The following NPHP4 variants were observed in gnomAD, a reference collection of about 807,000 sequenced individuals.
NPHP4 encodes nephrocystin-4.
A neutral mutation model predicts 155.8 loss-of-function variants in NPHP4; 151 were observed. The ratio of observed to expected loss-of-function variants is 0.97; its 90% CI spans 0.85 to 1.11. NPHP4 has a LOEUF of 1.11. Among genes scored for constraint, NPHP4 ranks in the 50% least tolerant of loss-of-function variants. NPHP4 has a pLI of 0.00. For missense variants in NPHP4, 1,956 were observed against 1,925.7 expected (o/e 1.02, Z -0.29); for synonymous variants, 845 against 816.8 (o/e 1.03, Z -0.59).
At chr1:5,973,264 G>A (rs1424742506) in intron 3 of NPHP4, among the ~76,000 whole-genome samples, 1 of 152,242 alleles carries the variant, frequency 6.6e-6, no homozygotes, top group Non-Finnish European at 1.5e-5. Flanking sequence ...TGGGATCAGT[G>A]ATGGAGTAGG....
At chr1:5,968,773 T>C (rs1472200712) in intron 4 of NPHP4, among the ~76,000 whole-genome samples, 1 of 151,954 alleles carries the variant, frequency 6.6e-6, no homozygotes, top group African/African-American at 2.4e-5. Flanking sequence ...CCATCTCTAC[T>C]AAAAATACAA....
rs1644059332 is a variant in NPHP4, at chr1:5,890,400, G to A, written c.2304+468C>T. ...TTAGGTTTTAGTATACAAGGAGAATGGAAAAGGACAATTAGTAAAAGAGAT... is the reference window on the plus strand; with the variant it reads ...TTAGGTTTTAGTATACAAGGAGAATAGAAAAGGACAATTAGTAAAAGAGAT... On this transcript the variant is annotated intron_variant, in intron 17 of 29. Coordinates refer to ENST00000378156, the MANE Select transcript of NPHP4 (RefSeq NM_015102.5). The surrounding 1 kb of genome is among the most constrained non-coding windows in gnomAD (Gnocchi z 4.9). Among the ~76,000 whole-genome samples, 1 of 152,094 alleles carries A rather than the reference G, an allele frequency of 6.6e-6. No individual in the cohort carries two copies.
chr1:5,961,042 A>G (rs1347300783), intron 6 of NPHP4, among the ~76,000 whole-genome samples: 2 of 152,224 alleles, frequency 1.3e-5, no homozygotes, highest in Non-Finnish European at 2.9e-5. Flanking sequence ...GACACACACT[A>G]TAACATGGAT....
chr1:5,889,766 T>C lies in NPHP4; in HGVS notation c.2304+1102A>G, dbSNP rs1037738527. 2.0e-5 allele frequency among the ~76,000 whole-genome samples: 3 copies of C among 152,166 alleles called. No homozygotes were observed. The highest frequency in any genetic ancestry group is 6.5e-5 in the Admixed American group (1 of 15,288). ...GGGCCACGATGACCCTGTGGGGCCCTTGCCATGACCCCAACAGGAACAGAG... is the reference window on the plus strand; with the variant it reads ...GGGCCACGATGACCCTGTGGGGCCCCTGCCATGACCCCAACAGGAACAGAG... On this transcript the variant is annotated intron_variant, in intron 17 of 29. Coordinates refer to ENST00000378156, the MANE Select transcript of NPHP4 (RefSeq NM_015102.5). This position sits in a 1 kb window ranked among gnomAD's most constrained non-coding sequence, Gnocchi z 4.2.
chr1:5,923,081 G>C (rs1175249626), intron 11 of NPHP4, among the ~76,000 whole-genome samples: 1 of 152,194 alleles, frequency 6.6e-6, no homozygotes, highest in Non-Finnish European at 1.5e-5. Context: ...ACCAGGCGGA[G>C]AGCATGAGCC....
chr1:5,986,649 C>G (rs1423966964), intron 1 of NPHP4, among the ~76,000 whole-genome samples: 1 of 152,146 alleles, frequency 6.6e-6, no homozygotes, highest in Non-Finnish European at 1.5e-5. Flanking sequence ...GGATGATTCA[C>G]TTTTCCTGTG....
intron 6 of NPHP4, among the ~76,000 whole-genome samples, chr1:5,956,942 G>A (rs1354870869): frequency 6.6e-6 from 1 of 152,216 alleles, no homozygotes; most frequent in Admixed American, 6.5e-5. Flanking sequence ...TAGACGTGGA[G>A]CAGACAACCG....
rs116980841 is a variant in NPHP4, at chr1:5,892,755, G to A, written c.2144-1727C>T. Reference sequence around the variant, plus strand: ...CTCCGTGGCCACCCCTGAGGTCCAAGCTCCCCACAGTCCACCCTGTGTCAT... The same window carrying A: ...CTCCGTGGCCACCCCTGAGGTCCAAACTCCCCACAGTCCACCCTGTGTCAT... On this transcript the variant is annotated intron_variant, in intron 16 of 29. Coordinates refer to ENST00000378156, the MANE Select transcript of NPHP4 (RefSeq NM_015102.5). This position sits in a 1 kb window ranked among gnomAD's most constrained non-coding sequence, Gnocchi z 4.5. Among the ~76,000 whole-genome samples the A allele has an allele frequency of 1.8e-4, 28 of 152,198 alleles. No homozygotes were observed. The East Asian group carries it at 3.5e-3, about 19-fold the overall frequency.
rs1185686252 is a variant in NPHP4, at chr1:5,880,058, C to CCT, written c.2611+54_2611+55dup. On this transcript the variant is annotated intron_variant, in intron 19 of 29. Coordinates refer to ENST00000378156, the MANE Select transcript of NPHP4 (RefSeq NM_015102.5). ...ACACACACACACACGCAGTCTTCCA[C>CCT]CTCTCACCCACCACTCACGACCCAC... 36 of 1,603,968 alleles carry CCT rather than the reference C, an allele frequency of 2.2e-5. No individual in the cohort carries two copies. In the Admixed American group the frequency reaches 6.0e-4, roughly 27 times the overall value.
Position 5,899,311 on chromosome 1 carries a change from G to A in NPHP4, c.2143+5306C>T, listed in dbSNP as rs141463429. Among the ~76,000 whole-genome samples, 8 of 152,252 alleles carry A rather than the reference G, an allele frequency of 5.3e-5. No individual in the cohort carries two copies. The East Asian group carries it at 1.5e-3, about 29-fold the overall frequency. On this transcript the variant is annotated intron_variant, in intron 16 of 29. Transcript: ENST00000378156. The stretch of plus-strand genomic sequence containing the variant: ...AGCATCACAGAATCACCCGACACTG[G>A]GCTTCTCTACAGCCAGGAAAACAGA...
chr1:5,903,391 A>G (rs1222249657), intron 16 of NPHP4, among the ~76,000 whole-genome samples: 1 of 152,140 alleles, frequency 6.6e-6, no homozygotes, highest in African/African-American at 2.4e-5. Flanking sequence ...TGCCACTGTT[A>G]GGCTACTTCA....
In NPHP4 at chr1:5,892,605, G is replaced by A. The variant is rs1256322440; in HGVS notation, c.2144-1577C>T. ...ATGGGGGCCGGTCCAGCGGGGCACTGGAAGGAGCTCCCCAGGAGACAAGAC... is the reference window on the plus strand; with the variant it reads ...ATGGGGGCCGGTCCAGCGGGGCACTAGAAGGAGCTCCCCAGGAGACAAGAC... On this transcript the variant is annotated intron_variant, in intron 16 of 29. Coordinates refer to ENST00000378156, the MANE Select transcript of NPHP4 (RefSeq NM_015102.5). This position sits in a 1 kb window ranked among gnomAD's most constrained non-coding sequence, Gnocchi z 4.5. 6.6e-6 allele frequency among the ~76,000 whole-genome samples: 1 copy of A among 152,050 alleles called. No homozygotes were observed. The highest frequency in any genetic ancestry group is 1.5e-5 in the Non-Finnish European group (1 of 67,972).
intron 3 of NPHP4, among the ~76,000 whole-genome samples, chr1:5,972,462 C>T (rs1354307581): frequency 6.6e-6 from 1 of 152,204 alleles, no homozygotes; most frequent in Non-Finnish European, 1.5e-5. Flanking sequence ...GAGAAACTCT[C>T]ATTTGGAGTA....
chr1:5,898,569 T>A (rs115376788), intron 16 of NPHP4, among the ~76,000 whole-genome samples: 1,624 of 152,274 alleles, frequency 0.011, 20 homozygotes, highest in African/African-American at 0.036. Context: ...GCTCTCTGAG[T>A]GGATCTTCCT....
chr1:5,896,057 C>T (rs1644382359), intron 16 of NPHP4, among the ~76,000 whole-genome samples: 1 of 152,178 alleles, frequency 6.6e-6, no homozygotes, highest in African/African-American at 2.4e-5. Flanking sequence ...TGGTATGTTA[C>T]CACTGAATTA....
chr1:5,945,973 G>A (rs972488815), intron 9 of NPHP4, among the ~76,000 whole-genome samples: 15 of 152,172 alleles, frequency 9.9e-5, no homozygotes, highest in African/African-American at 3.6e-4. Context: ...ACCCATTGCA[G>A]TTGAGAGGTA....
Position 5,967,366 on chromosome 1 carries a change from G to T in NPHP4, c.453-3C>A. ...GGGTGCCATGGTACAGCCGCAACCT[G>T]GAAGACAGGACCCAGAGAACAGTCG... On this transcript the variant is annotated splice_region_variant and splice_polypyrimidine_tract_variant and intron_variant, in intron 4 of 29. Coordinates refer to ENST00000378156, the MANE Select transcript of NPHP4 (RefSeq NM_015102.5). 1 of 1,603,794 alleles carries T rather than the reference G, an allele frequency of 6.2e-7. No homozygotes were observed. Among genetic ancestry groups the T allele is most frequent in the East Asian group, 2.2e-5 (1 of 44,510 alleles).
At chr1:5,917,404 A>AAGGGG (rs1478103551) in intron 11 of NPHP4, among the ~76,000 whole-genome samples, 2 of 152,158 alleles carry the variant, frequency 1.3e-5, no homozygotes, top group African/African-American at 4.8e-5. Flanking sequence ...GGAGAGCTTA[A>AAGGGG]AGGGGAGGGG....
intron 19 of NPHP4, among the ~76,000 whole-genome samples, chr1:5,879,844 G>GCAAACACACACAC (rs1557635018): frequency 1.1e-5 from 1 of 91,388 alleles, no homozygotes; most frequent in Non-Finnish European, 2.3e-5. Flanking sequence ...AACACACACA[G>GCAAACACACACAC]ACACGCACAC....
Sources: allele counts gnomAD v4.1 joint callset (sites outside exome capture counted in the v4.1 genomes callset), GRCh38; gene constraint gnomAD v4.1.1; non-coding constraint Gnocchi (gnomAD v3.1); transcripts MANE v1.5; gene names NCBI Gene and HGNC (gene_info 2026-07-23, HGNC 2026-07-21).